The following RAB6B variants were observed in gnomAD, a reference collection of about 807,000 sequenced individuals.
RAB6B encodes ras-related protein Rab-6B.
In RAB6B, 7 loss-of-function variants were observed where a neutral mutation model predicts 31.2. The observed-to-expected ratio is 0.22, with a 90% CI of 0.13 to 0.42. The LOEUF (loss-of-function observed/expected upper bound fraction) is 0.42. RAB6B is among the 10% of genes least tolerant of loss of function. RAB6B has a pLI of 1.00. For synonymous variants in RAB6B, 105 were observed against 104.9 expected (o/e 1.00, Z -0.01); for missense variants, 149 against 280.6 (o/e 0.53, Z 3.35).
intron 6 of RAB6B, 32 bp downstream of exon 6, chr3:133,838,134 C>T (rs1349233467): frequency 3.8e-6 from 6 of 1,574,614 alleles, no homozygotes; most frequent in African/African-American, 1.4e-5. Flanking sequence ...TGCCGGGCCC[C>T]GTGCCGGGCC....
chr3:133,841,240 G>T, intron 4 of RAB6B, 45 bp downstream of exon 4: 1 of 1,593,610 alleles, frequency 6.3e-7, no homozygotes, highest in Non-Finnish European at 8.6e-7. Flanking sequence ...CTGGGCCCTG[G>T]ACCCCCTATG....
chr3:133,878,800 T>C (rs985941521), intron 1 of RAB6B, among the ~76,000 whole-genome samples: 7 of 152,200 alleles, frequency 4.6e-5, no homozygotes, highest in African/African-American at 1.4e-4. Context: ...TTTGCAATAC[T>C]ATAAGAAAAA....
chr3:133,839,662 C>T (rs1935792485), intron 4 of RAB6B, 45 bp from the exon 5 acceptor site: 2 of 1,430,650 alleles, frequency 1.4e-6, no homozygotes, highest in Non-Finnish European at 2.0e-6. Context: ...GGGCCAGCCA[C>T]CAGTGGGAGA....
intron 2 of RAB6B, among the ~76,000 whole-genome samples, chr3:133,849,219 G>A (rs1935945234): frequency 6.6e-6 from 1 of 152,128 alleles, no homozygotes; most frequent in Admixed American, 6.5e-5. Flanking sequence ...CACTTTCTCT[G>A]TTAAACTGGA....
chr3:133,833,480 G>T (rs1404804216), intron 7 of RAB6B, among the ~76,000 whole-genome samples: 1 of 152,120 alleles, frequency 6.6e-6, no homozygotes, highest in African/African-American at 2.4e-5. Context: ...CCTTGAGCAA[G>T]GCTGGAGAGG....
Position 133,838,239 on chromosome 3 carries a change from C to G in RAB6B, c.422G>C (p.Gly141Ala). 1 of 1,614,160 alleles carries G rather than the reference C, an allele frequency of 6.2e-7. No homozygotes were observed. The highest frequency in any genetic ancestry group is 1.1e-5 in the South Asian group (1 of 91,080). The change falls in exon 6 of 8, where the codon GGG becomes GCG. Residue 141 changes from glycine (G) to alanine (A), a missense_variant. By Grantham distance (60) the Gly-to-Ala change is moderately conservative. Coordinates refer to ENST00000285208, the MANE Select transcript of RAB6B (RefSeq NM_016577.4). ...ADKRQITIEE[G>A]EQRAKELSVM... ...GCTCAGTTCTTTGGCGCGCTGCTCC[C>G]CCTCCTCGATGGTTATCTGCCTAGA...
chr3:133,857,427 A>G (rs1220922233), intron 2 of RAB6B, among the ~76,000 whole-genome samples: 7 of 21,112 alleles, frequency 3.3e-4, no homozygotes, highest in South Asian at 1.3e-3. Flanking sequence ...TTTTGAAGGG[A>G]AAAAAAAAAA....
chr3:133,864,775 T>A (rs890637917), intron 1 of RAB6B, 133 bp from the exon 2 acceptor site: 1 of 865,380 alleles, frequency 1.2e-6, no homozygotes, highest in African/African-American at 1.7e-5. Context: ...AATACAGAAG[T>A]GGGAGACAGG....
In RAB6B at chr3:133,845,719, T is replaced by C. The variant is rs186002804; in HGVS notation, c.130-4056A>G. ...CAAAATCCAAGACTATAACTTATTA[T>C]TCATGAGGTCCACTGTACAATAAAA... is the stretch of plus-strand genomic sequence containing the variant. On this transcript the variant is annotated intron_variant, in intron 2 of 7. Transcript: ENST00000285208. Among the ~76,000 whole-genome samples, 3 of 152,284 alleles carry C rather than the reference T, an allele frequency of 2.0e-5. No homozygotes were observed. In the East Asian group the frequency reaches 5.8e-4, roughly 29 times the overall value.
intron 1 of RAB6B, among the ~76,000 whole-genome samples, chr3:133,891,054 G>A (rs1180005514): frequency 6.6e-6 from 1 of 152,188 alleles, no homozygotes; most frequent in Non-Finnish European, 1.5e-5. Context: ...GCTAGGAGGG[G>A]CTGCTGGCAC....
intron 2 of RAB6B, among the ~76,000 whole-genome samples, chr3:133,860,993 C>T (rs572158332): frequency 2.6e-5 from 4 of 152,170 alleles, no homozygotes; most frequent in Non-Finnish European, 4.4e-5. Flanking sequence ...CATGAGAGAC[C>T]GGAGAAGAGT....
intron 6 of RAB6B, 81 bp downstream of exon 6, chr3:133,838,085 G>A (rs1372425258): frequency 1.4e-6 from 2 of 1,421,126 alleles, no homozygotes; most frequent in East Asian, 4.6e-5. Flanking sequence ...TTCAGGGCAA[G>A]GCAGCTCTGA....
chr3:133,838,377 AGACAG>A, intron 5 of RAB6B, 118 bp from the exon 6 acceptor site: 1 of 889,944 alleles, frequency 1.1e-6, no homozygotes, highest in Non-Finnish European at 1.9e-6. Context: ...TCAGTCCTGA[AGACAG>A]GCTCTGATCC....
chr3:133,847,610 G>C (rs1399069530), intron 2 of RAB6B, among the ~76,000 whole-genome samples: 1 of 152,038 alleles, frequency 6.6e-6, no homozygotes, highest in East Asian at 1.9e-4. Context: ...CTTCTCAATG[G>C]GCTTGCTTCT....
chr3:133,824,565 C>T lies in RAB6B; in HGVS notation c.*4223G>A, dbSNP rs1006958030. On this transcript the variant is annotated 3_prime_UTR_variant, in exon 8 of 8. Transcript: ENST00000285208. ...CTGGGAGTGCCAACCAGACAGGGGT[C>T]TGGAGTCCAAGGAGTTTGCACATTG... 13 of 152,204 alleles carry T rather than the reference C, an allele frequency of 8.5e-5. No homozygotes were observed. Among genetic ancestry groups the T allele is most frequent in the African/African-American group, 3.1e-4 (13 of 41,428 alleles). The allele number at this position is 152,204 out of a possible 1,614,324, so 9.4% of individuals were successfully genotyped here.
intron 2 of RAB6B, 104 bp downstream of exon 2, chr3:133,864,480 G>A: frequency 8.5e-7 from 1 of 1,176,046 alleles, no homozygotes; most frequent in South Asian, 1.2e-5. Context: ...CAAAATGACA[G>A]CCTGGGAACC....
At chr3:133,894,548 T>C (rs928630227) in intron 1 of RAB6B, 1 of 152,234 alleles carries the variant, frequency 6.6e-6, no homozygotes, top group Admixed American at 6.5e-5. Flanking sequence ...CGATGCTCTC[T>C]GGAGGAGTGC....
chr3:133,827,365 CTG>C lies in RAB6B; in HGVS notation c.*1421_*1422del, dbSNP rs1935581170. 1 of 152,516 alleles carries C rather than the reference CTG, an allele frequency of 6.6e-6. No individual in the cohort carries two copies. The highest frequency in any genetic ancestry group is 2.1e-4 in the South Asian group (1 of 4,836). The allele number at this position is 152,516 out of a possible 1,614,324, so 9.4% of individuals were successfully genotyped here. On this transcript the variant is annotated 3_prime_UTR_variant, in exon 8 of 8. Coordinates refer to ENST00000285208, the MANE Select transcript of RAB6B (RefSeq NM_016577.4). ...GACTCACTGCCCATTGCACCTGGCT[CTG>C]TGCAGGCTCAGGGCAGTGAGTCTGA...
chr3:133,832,224 A>T (rs1935664726), intron 7 of RAB6B, among the ~76,000 whole-genome samples: 1 of 152,134 alleles, frequency 6.6e-6, no homozygotes, highest in South Asian at 2.1e-4. Context: ...GGGGTTGTGT[A>T]TGTAGAACCA....
Sources: gnomAD v4.1 joint callset for allele counts (sites outside exome capture counted in the v4.1 genomes callset) on GRCh38, gnomAD v4.1.1 for gene constraint, MANE v1.5 for transcripts, NCBI Gene and HGNC (gene_info 2026-07-23, HGNC 2026-07-21) for gene names.